Variants in AFAP1L2 observed in about 807,000 individuals in gnomAD.
The protein encoded by AFAP1L2 is actin filament associated protein 1 like 2, also known as actin filament-associated protein 1-like 2.
A neutral mutation model predicts 99.3 loss-of-function variants in AFAP1L2; 46 were observed. The ratio of observed to expected loss-of-function variants is 0.46; its 90% CI spans 0.37 to 0.59. The LOEUF is 0.59. Ranked by LOEUF, AFAP1L2 falls within the 20% of genes least tolerant of loss-of-function variation. The pLI, the probability that AFAP1L2 is intolerant of heterozygous loss-of-function variation, is 0.00. For synonymous variants in AFAP1L2, 397 were observed against 419.1 expected (o/e 0.95, Z 0.64); for missense variants, 959 against 1,034.9 (o/e 0.93, Z 1.01).
intron 7 of AFAP1L2, among the ~76,000 whole-genome samples, chr10:114,312,235 GT>G (rs2043360438): frequency 2.5e-3 from 1 of 400 alleles, no homozygotes; most frequent in East Asian, 0.12. Flanking sequence ...CAAGAGCAGA[GT>G]GTGTGTGTGT....
intron 1 of AFAP1L2, among the ~76,000 whole-genome samples, chr10:114,352,965 A>T (rs564324584): frequency 6.6e-6 from 1 of 152,316 alleles, no homozygotes; most frequent in Non-Finnish European, 1.5e-5. Context: ...TTTGGAGCCA[A>T]ATTTCCCTGG....
intron 2 of AFAP1L2, among the ~76,000 whole-genome samples, chr10:114,337,009 T>G (rs2048073954): frequency 6.6e-6 from 1 of 152,232 alleles, no homozygotes; most frequent in Non-Finnish European, 1.5e-5. Context: ...TATCTTGAGA[T>G]GATCACCTCG....
In AFAP1L2 at chr10:114,316,228, C is replaced by T. The variant is rs1343441709; in HGVS notation, c.407-463G>A. ...TTCCAAGGGCTCAGGAGGAAGAGAA[C>T]GCCATCCGTGCTCCACCTGAGCTGT... On this transcript the variant is annotated intron_variant, in intron 5 of 18. Coordinates refer to ENST00000304129, the MANE Select transcript of AFAP1L2 (RefSeq NM_001001936.3). 3.9e-5 allele frequency among the ~76,000 whole-genome samples: 6 copies of T among 152,238 alleles called. No individual in the cohort carries two copies. In the East Asian group the frequency reaches 9.6e-4, roughly 24 times the overall value.
intron 1 of AFAP1L2, among the ~76,000 whole-genome samples, chr10:114,373,566 A>G (rs1236145125): frequency 1.3e-5 from 2 of 152,108 alleles, no homozygotes; most frequent in Non-Finnish European, 2.9e-5. Flanking sequence ...TGGAGGTTGC[A>G]GTGAGCGGGG....
the AFAP1L2 span, among the ~76,000 whole-genome samples, chr10:114,284,140 G>A: frequency 6.6e-6 from 1 of 152,216 alleles, no homozygotes; most frequent in Non-Finnish European, 1.5e-5. Context: ...TAGATCAGAC[G>A]CTTCAGAATG....
the AFAP1L2 span, chr10:114,286,095 C>T: frequency 6.2e-7 from 1 of 1,614,130 alleles, no homozygotes; most frequent in Middle Eastern, 1.6e-4. Flanking sequence ...GTGGGTGTGG[C>T]CACATACAGC....
intron 1 of AFAP1L2, among the ~76,000 whole-genome samples, chr10:114,393,807 AG>A (rs2057399006): frequency 6.6e-6 from 1 of 152,254 alleles, no homozygotes; most frequent in Admixed American, 6.5e-5. Flanking sequence ...AAGCAGCCTC[AG>A]AAGGGCGGGA....
At chr10:114,398,744 C>A in intron 1 of AFAP1L2, 1 of 1,073,840 alleles carries the variant, frequency 9.3e-7, no homozygotes, top group Non-Finnish European at 1.2e-6. Context: ...GCTCCTTGAT[C>A]TCCCTCAACC....
Position 114,297,524 on chromosome 10 carries a change from G to T in AFAP1L2, c.2114-111C>A, listed in dbSNP as rs552148144. Reference sequence around the variant, plus strand: ...CCCCGCCACCCGAGAAGGACCACAGGTCTGGCCCCAACACTCAGAGCCAGG... The same window carrying T: ...CCCCGCCACCCGAGAAGGACCACAGTTCTGGCCCCAACACTCAGAGCCAGG... On this transcript the variant is annotated intron_variant, in intron 16 of 18. Transcript: ENST00000304129. 1,082 of 1,192,852 alleles carry T rather than the reference G, an allele frequency of 9.1e-4. 7 individuals are homozygous for T. Among genetic ancestry groups the T allele is most frequent in the South Asian group, 5.8e-3 (392 of 67,810 alleles). The allele number at this position is 1,192,852 out of a possible 1,614,324, so 73.9% of individuals were successfully genotyped here.
intron 5 of AFAP1L2, among the ~76,000 whole-genome samples, chr10:114,319,349 G>T (rs1188512560): frequency 7.3e-6 from 1 of 136,580 alleles, no homozygotes; most frequent in Non-Finnish European, 1.6e-5. Flanking sequence ...GGGTCTTTTA[G>T]CCATGTGTTT....
intron 10 of AFAP1L2, 68 bp from the exon 11 acceptor site, chr10:114,304,998 CG>C: frequency 6.6e-6 from 1 of 150,740 alleles, no homozygotes. Flanking sequence ...CAGGAGGGGG[CG>C]GGGCTTCGGG....
chr10:114,321,284 A>G (rs944742324), intron 5 of AFAP1L2, among the ~76,000 whole-genome samples: 1 of 151,652 alleles, frequency 6.6e-6, no homozygotes, highest in Non-Finnish European at 1.5e-5. Context: ...GCTAGTCCCC[A>G]AAGTCCATTA....
chr10:114,283,530 T>G, the AFAP1L2 span, among the ~76,000 whole-genome samples: 3 of 152,186 alleles, frequency 2.0e-5, no homozygotes, highest in African/African-American at 7.2e-5. Flanking sequence ...GCTCAGAAAT[T>G]AGGGTTTGAG....
At chr10:114,282,096 G>A in the AFAP1L2 span, among the ~76,000 whole-genome samples, 8 of 141,886 alleles carry the variant, frequency 5.6e-5, no homozygotes, top group South Asian at 1.1e-3. Flanking sequence ...CGCAACCTCT[G>A]CCTCCTGGGT....
At position 114,373,194 on chromosome 10, in the gene AFAP1L2, G is replaced by A. The variant is rs372510266; in HGVS notation, c.16+31246C>T. Among the ~76,000 whole-genome samples, 5 of 152,116 alleles carry A rather than the reference G, an allele frequency of 3.3e-5. No homozygotes were observed. In the East Asian group the frequency reaches 7.7e-4, roughly 23 times the overall value. ...GGAAGTCAAGGCTACAGTGAGCCAC[G>A]ATCATGCCGCTGCACTCCAGCCTGT... On this transcript the variant is annotated intron_variant, in intron 1 of 18. Transcript: ENST00000304129.
chr10:114,333,188 A>C (rs757525988), intron 3 of AFAP1L2, 33 bp downstream of exon 3: 1 of 1,593,810 alleles, frequency 6.3e-7, no homozygotes, highest in Non-Finnish European at 8.6e-7. Context: ...AGGAGTGGCC[A>C]TCATACCAGC....
At chr10:114,372,751 G>A (rs867714493) in intron 1 of AFAP1L2, among the ~76,000 whole-genome samples, 19 of 152,118 alleles carry the variant, frequency 1.2e-4, no homozygotes, top group Middle Eastern at 6.8e-3. Context: ...CCCTCCCAGT[G>A]TCAGCCCCTT....
chr10:114,316,675 T>G (rs780564098), intron 5 of AFAP1L2, among the ~76,000 whole-genome samples: 1 of 152,236 alleles, frequency 6.6e-6, no homozygotes, highest in Non-Finnish European at 1.5e-5. Context: ...CAAGTCCTAC[T>G]GCTCTATTCA....
intron 1 of AFAP1L2, among the ~76,000 whole-genome samples, chr10:114,367,488 C>A (rs2053448852): frequency 6.6e-6 from 1 of 152,112 alleles, no homozygotes; most frequent in Admixed American, 6.5e-5. Context: ...CAACACTGTA[C>A]AATACAGGAT....
Sources: gnomAD v4.1 joint callset for allele counts (sites outside exome capture counted in the v4.1 genomes callset) on GRCh38, gnomAD v4.1.1 for gene constraint, MANE v1.5 for transcripts, NCBI Gene and HGNC (gene_info 2026-07-23, HGNC 2026-07-21) for gene names.